Variants in AOAH observed in about 807,000 individuals in gnomAD.
AOAH encodes the protein acyloxyacyl hydrolase, also known as acyloxyacyl hydrolase (neutrophil).
A neutral mutation model predicts 92.2 loss-of-function variants in AOAH; 64 were observed. That is an observed-to-expected ratio of 0.69 (90% CI 0.57 to 0.86). AOAH has a LOEUF of 0.86. Among genes scored for constraint, AOAH ranks in the 40% least tolerant of loss-of-function variants. AOAH has a pLI of 0.00. For missense variants in AOAH, 656 were observed against 694.6 expected, an observed-to-expected ratio of 0.94 and a Z score of 0.62; for synonymous variants, 263 against 254.5, an observed-to-expected ratio of 1.03 and a Z score of -0.32.
intron 12 of AOAH, among the ~76,000 whole-genome samples, chr7:36,583,186 A>G (rs1789057504): frequency 1.3e-5 from 2 of 152,168 alleles, no homozygotes; most frequent in African/African-American, 4.8e-5. Context: ...AAGTTACAAA[A>G]AACAGGCTCC....
At chr7:36,664,730 G>C (rs538620851) in intron 3 of AOAH, among the ~76,000 whole-genome samples, 61 of 152,268 alleles carry the variant, frequency 4.0e-4, no homozygotes, top group African/African-American at 1.4e-3. Flanking sequence ...AAAAATACTT[G>C]AGGCTGGGCA....
intron 12 of AOAH, among the ~76,000 whole-genome samples, chr7:36,578,115 T>G (rs111598092): frequency 6.6e-5 from 10 of 152,324 alleles, no homozygotes; most frequent in African/African-American, 1.9e-4. Flanking sequence ...GTAGTAGAAT[T>G]TTGAGATGAA....
chr7:36,689,860 C>A (rs1249134993), intron 1 of AOAH, among the ~76,000 whole-genome samples: 1 of 152,098 alleles, frequency 6.6e-6, no homozygotes, highest in Non-Finnish European at 1.5e-5. Flanking sequence ...TGAAAACCAA[C>A]AATAGTTTGG....
At chr7:36,712,470 C>G (rs568836497) in intron 1 of AOAH, among the ~76,000 whole-genome samples, 1 of 152,016 alleles carries the variant, frequency 6.6e-6, no homozygotes, top group Non-Finnish European at 1.5e-5. Flanking sequence ...GATTATTTTC[C>G]CCCTAAATCA....
At chr7:36,703,822 C>T (rs1214103545) in intron 1 of AOAH, among the ~76,000 whole-genome samples, 2 of 152,102 alleles carry the variant, frequency 1.3e-5, no homozygotes, top group African/African-American at 4.8e-5. Flanking sequence ...TGGGTATATA[C>T]CCACTAATGG....
intron 1 of AOAH, among the ~76,000 whole-genome samples, chr7:36,721,661 C>G (rs1291117448): frequency 3.3e-5 from 5 of 152,160 alleles, no homozygotes; most frequent in African/African-American, 9.7e-5. Context: ...AAATCATCCT[C>G]AAACCTAATC....
At chr7:36,588,815 C>T (rs1481888985) in intron 12 of AOAH, among the ~76,000 whole-genome samples, 12 of 152,176 alleles carry the variant, frequency 7.9e-5, no homozygotes, top group Admixed American at 6.5e-5. Context: ...CATTATTGTA[C>T]CACTTATAAC....
intron 6 of AOAH, among the ~76,000 whole-genome samples, chr7:36,631,709 G>T (rs1488765248): frequency 6.6e-6 from 1 of 152,172 alleles, no homozygotes; most frequent in East Asian, 1.9e-4. Context: ...TAGTTCACAT[G>T]CAGAGAGGGG....
intron 1 of AOAH, among the ~76,000 whole-genome samples, chr7:36,717,910 A>C (rs898027381): frequency 6.6e-6 from 1 of 152,010 alleles, no homozygotes; most frequent in Non-Finnish European, 1.5e-5. Context: ...TATAGGTCTT[A>C]GATATGACAC....
chr7:36,716,991 A>C (rs1799232581), intron 1 of AOAH, among the ~76,000 whole-genome samples: 1 of 150,912 alleles, frequency 6.6e-6, no homozygotes, highest in African/African-American at 2.4e-5. Context: ...TAAATAAATA[A>C]ATAAATAAAT....
chr7:36,556,630 T>G (rs1362256363), intron 13 of AOAH, among the ~76,000 whole-genome samples: 4 of 146,648 alleles, frequency 2.7e-5, no homozygotes, highest in Non-Finnish European at 4.5e-5. Flanking sequence ...AGTCTCTTTG[T>G]AGGTCACTCA....
At chr7:36,654,957 G>A (rs907097375) in intron 4 of AOAH, among the ~76,000 whole-genome samples, 2 of 152,204 alleles carry the variant, frequency 1.3e-5, no homozygotes. Flanking sequence ...GGACCTAACA[G>A]CACAGTTAAA....
chr7:36,675,694 G>A (rs908570678), intron 2 of AOAH, among the ~76,000 whole-genome samples: 11 of 152,056 alleles, frequency 7.2e-5, no homozygotes, highest in African/African-American at 1.2e-4. Flanking sequence ...ACCTTCCTCC[G>A]AAAGAATGTA....
chr7:36,621,719 G>A lies in AOAH; in HGVS notation c.644C>T (p.Pro215Leu), dbSNP rs897251974. ...CAGCAGAAATAGTTACCTTCTACCT[G>A]GGTACACTGACTCGTCGCTGTCATT... ...DCNDSDESVY[P>L]GRRPNNWDVH... Residue 215 changes from proline to leucine, a missense_variant, in exon 8 of 21, where the codon CCA (proline) becomes CTA (leucine). Pro to Leu is a moderately conservative substitution (Grantham distance 98). Coordinates refer to ENST00000617537, the MANE Select transcript of AOAH (RefSeq NM_001637.4). The A allele has an allele frequency of 6.2e-7, 1 of 1,614,012 alleles. No homozygotes were observed. The highest frequency in any genetic ancestry group is 1.3e-5 in the African/African-American group (1 of 75,018).
At chr7:36,630,495 G>T (rs932771292) in intron 6 of AOAH, among the ~76,000 whole-genome samples, 1 of 152,174 alleles carries the variant, frequency 6.6e-6, no homozygotes, top group Non-Finnish European at 1.5e-5. Context: ...TGTAGCATTC[G>T]CAGTCTTGCA....
intron 13 of AOAH, among the ~76,000 whole-genome samples, chr7:36,565,923 T>G (rs1344698842): frequency 6.6e-6 from 1 of 152,142 alleles, no homozygotes; most frequent in Non-Finnish European, 1.5e-5. Flanking sequence ...TCTATAGACC[T>G]TATTTAAATT....
At chr7:36,557,458 G>A (rs2116425770) in intron 13 of AOAH, among the ~76,000 whole-genome samples, 1 of 151,978 alleles carries the variant, frequency 6.6e-6, no homozygotes, top group East Asian at 1.9e-4. Context: ...TGACAATTAT[G>A]TGTCTTGGAG....
At chr7:36,669,374 C>G (rs571418724) in intron 3 of AOAH, among the ~76,000 whole-genome samples, 7 of 142,272 alleles carry the variant, frequency 4.9e-5, no homozygotes, top group South Asian at 2.2e-4. Context: ...ATTCCCCCCC[C>G]ACCTTTTTTT....
At chr7:36,517,277 TTTCTTTC>T (rs1783838667) in intron 20 of AOAH, among the ~76,000 whole-genome samples, 1 of 150,114 alleles carries the variant, frequency 6.7e-6, no homozygotes, top group Non-Finnish European at 1.5e-5. Context: ...TCTTTCTTTC[TTTCTTTC>T]TTTCTTTCTT....
Sources: gnomAD v4.1 joint callset for allele counts (sites outside exome capture counted in the v4.1 genomes callset) on GRCh38, gnomAD v4.1.1 for gene constraint, MANE v1.5 for transcripts, NCBI Gene and HGNC (gene_info 2026-07-23, HGNC 2026-07-21) for gene names.